LUZP2: variants seen among roughly 807,000 people sequenced by gnomAD.
LUZP2 encodes the protein leucine zipper protein 2.
In LUZP2, 52 loss-of-function variants were observed where a neutral mutation model predicts 51.6. The ratio of observed to expected loss-of-function variants is 1.01; its 90% CI spans 0.81 to 1.27. The LOEUF (loss-of-function observed/expected upper bound fraction) is 1.27. Ranked by LOEUF, LUZP2 falls within the 50% of genes most tolerant of loss-of-function variation. The pLI is 0.00. For synonymous variants in LUZP2, 154 were observed against 137.3 expected (o/e 1.12, Z -0.85); for missense variants, 436 against 395.4 (o/e 1.10, Z -0.87).
At chr11:24,942,117 T>C (rs1854768691) in intron 7 of LUZP2, among the ~76,000 whole-genome samples, 1 of 152,328 alleles carries the variant, frequency 6.6e-6, no homozygotes, top group East Asian at 1.9e-4. Context: ...GTTAGCTAAC[T>C]GATTGGCATT....
chr11:24,752,593 G>A (rs1859634268), intron 4 of LUZP2, among the ~76,000 whole-genome samples: 1 of 152,106 alleles, frequency 6.6e-6, no homozygotes, highest in Admixed American at 6.6e-5. Flanking sequence ...AGTGCAACAA[G>A]GGGACATATA....
Position 24,819,624 on chromosome 11 carries a change from A to T in LUZP2, c.396+56316A>T, listed in dbSNP as rs187134285. 2.2e-4 allele frequency among the ~76,000 whole-genome samples: 33 copies of T among 152,164 alleles called. 1 individual carries two copies. Among genetic ancestry groups the T allele is most frequent in the Middle Eastern group, 3.4e-3 (1 of 294 alleles). On this transcript the variant is annotated intron_variant, in intron 5 of 11. Transcript: ENST00000336930. ...ATTTGAATTAGTTTTCACGTTTTAT[A>T]TTTTACAGACCATAAAACATTTATG...
At chr11:24,822,989 A>G (rs190353516) in intron 5 of LUZP2, among the ~76,000 whole-genome samples, 12 of 152,322 alleles carry the variant, frequency 7.9e-5, no homozygotes, top group Admixed American at 7.8e-4. Flanking sequence ...TATATTCAGC[A>G]AATATTTGTA....
intron 9 of LUZP2, among the ~76,000 whole-genome samples, chr11:24,988,674 A>T (rs1162627605): frequency 6.6e-6 from 1 of 152,054 alleles, no homozygotes; most frequent in African/African-American, 2.4e-5. Context: ...AGATTCTTTT[A>T]ACAGCCCTGA....
intron 4 of LUZP2, among the ~76,000 whole-genome samples, chr11:24,760,339 T>A (rs1351779590): frequency 6.6e-6 from 1 of 152,124 alleles, no homozygotes; most frequent in Non-Finnish European, 1.5e-5. Flanking sequence ...AACTTTGGAA[T>A]GTCGTTGGCT....
intron 7 of LUZP2, among the ~76,000 whole-genome samples, chr11:24,924,920 C>T (rs1854182291): frequency 6.6e-6 from 1 of 151,920 alleles, no homozygotes. Context: ...GATGAAGCCT[C>T]TATGTAGCAG....
intron 7 of LUZP2, among the ~76,000 whole-genome samples, chr11:24,926,659 A>G (rs998151460): frequency 2.4e-5 from 3 of 123,972 alleles, no homozygotes; most frequent in Non-Finnish European, 5.2e-5. Flanking sequence ...ATGTGTGTGT[A>G]TATATATATG....
chr11:24,552,101 G>A (rs956486957), intron 1 of LUZP2, among the ~76,000 whole-genome samples: 1 of 151,932 alleles, frequency 6.6e-6, no homozygotes, highest in Admixed American at 6.6e-5. Flanking sequence ...GTGATATGGT[G>A]GACAAAACAT....
intron 1 of LUZP2, among the ~76,000 whole-genome samples, chr11:24,703,328 T>C (rs1364779930): frequency 2.0e-5 from 3 of 152,272 alleles, no homozygotes; most frequent in East Asian, 3.9e-4. Flanking sequence ...ATGGGTGGTC[T>C]GGGTAGACTC....
At chr11:24,606,940 T>C (rs1393617666) in intron 1 of LUZP2, among the ~76,000 whole-genome samples, 1 of 152,098 alleles carries the variant, frequency 6.6e-6, no homozygotes, top group Non-Finnish European at 1.5e-5. Context: ...CATTTGTATG[T>C]TTTCCTACGA....
At chr11:24,826,132 CGCCACTGCACTCCA>C (rs1358452081) in intron 5 of LUZP2, among the ~76,000 whole-genome samples, 1 of 141,566 alleles carries the variant, frequency 7.1e-6, no homozygotes, top group African/African-American at 2.7e-5. Flanking sequence ...GCCGAGATCG[CGCCACTGCACTCCA>C]GCCTAGGCGA....
At chr11:24,827,972 A>C (rs1245043433) in intron 5 of LUZP2, among the ~76,000 whole-genome samples, 1 of 152,052 alleles carries the variant, frequency 6.6e-6, no homozygotes, top group Non-Finnish European at 1.5e-5. Flanking sequence ...TGACATTTAG[A>C]GTTTGCTGTA....
At chr11:24,714,802 A>G (rs549926898) in intron 1 of LUZP2, among the ~76,000 whole-genome samples, 8 of 152,208 alleles carry the variant, frequency 5.3e-5, no homozygotes, top group Non-Finnish European at 1.0e-4. Context: ...ACTACTAGAG[A>G]TGGAGTGCCC....
intron 1 of LUZP2, among the ~76,000 whole-genome samples, chr11:24,515,935 A>G (rs960245131): frequency 3.9e-5 from 6 of 152,082 alleles, no homozygotes; most frequent in African/African-American, 1.4e-4. Flanking sequence ...TTCTTATGAA[A>G]GTTCTCATTT....
rs551340711 is a variant in LUZP2 at position 24,659,534 on chromosome 11, A to G, written c.63-69635A>G. ...ATGTATACATATGTAACAAACCTGC[A>G]TGTTGTGCACATATACCCTAAAACT... On this transcript the variant is annotated intron_variant, in intron 1 of 11. Coordinates refer to ENST00000336930, the MANE Select transcript of LUZP2 (RefSeq NM_001009909.4). 7.5e-4 allele frequency among the ~76,000 whole-genome samples: 114 copies of G among 152,210 alleles called. No homozygotes were observed. In the Middle Eastern group the frequency reaches 0.01, roughly 14 times the overall value.
intron 1 of LUZP2, among the ~76,000 whole-genome samples, chr11:24,573,121 T>C (rs1852494930): frequency 6.6e-6 from 1 of 151,628 alleles, no homozygotes; most frequent in South Asian, 2.1e-4. Context: ...AAATTGTTTT[T>C]TCAAGCATGG....
At chr11:25,077,528 C>T (rs1859346658) in intron 11 of LUZP2, 122 bp downstream of exon 11, 2 of 276,780 alleles carry the variant, frequency 7.2e-6, no homozygotes, top group Non-Finnish European at 1.2e-5. Context: ...GAGACAGAGT[C>T]TTGCTCTATC....
At chr11:24,985,508 C>A (rs979192085) in intron 9 of LUZP2, among the ~76,000 whole-genome samples, 3 of 151,718 alleles carry the variant, frequency 2.0e-5, no homozygotes, top group African/African-American at 7.2e-5. Flanking sequence ...AACAAATAAA[C>A]CATGTGACAA....
intron 7 of LUZP2, among the ~76,000 whole-genome samples, chr11:24,924,442 G>A (rs1854168010): frequency 6.6e-6 from 1 of 152,076 alleles, no homozygotes; most frequent in Non-Finnish European, 1.5e-5. Flanking sequence ...CCTGCCCGTA[G>A]AATGTTGAAA....
Sources: allele counts gnomAD v4.1 joint callset (sites outside exome capture counted in the v4.1 genomes callset), GRCh38; gene constraint gnomAD v4.1.1; transcripts MANE v1.5; gene names NCBI Gene and HGNC (gene_info 2026-07-23, HGNC 2026-07-21).